Variants in EYA2 observed in about 807,000 individuals in gnomAD.
EYA2 encodes EYA transcriptional coactivator and phosphatase 2, also known as protein phosphatase EYA2.
A neutral mutation model predicts 69.2 loss-of-function variants in EYA2; 31 were observed. The ratio of observed to expected loss-of-function variants is 0.45; its 90% CI spans 0.34 to 0.60. The LOEUF is 0.60. EYA2 is among the 20% of genes least tolerant of loss of function. The pLI is 0.02. For synonymous variants in EYA2, 257 were observed against 279.4 expected, an observed-to-expected ratio of 0.92 and a Z score of 0.80; for missense variants, 622 against 701.2, an observed-to-expected ratio of 0.89 and a Z score of 1.28.
intron 1 of EYA2, among the ~76,000 whole-genome samples, chr20:46,920,266 A>C (rs1377647350): frequency 6.6e-6 from 1 of 151,850 alleles, no homozygotes; most frequent in East Asian, 1.9e-4. Flanking sequence ...AAAGTACAAT[A>C]AAGCAAAGCA....
chr20:47,047,714 A>G (rs1334786956), intron 5 of EYA2, among the ~76,000 whole-genome samples: 2 of 151,918 alleles, frequency 1.3e-5, no homozygotes, highest in Admixed American at 1.3e-4. Flanking sequence ...AGGGACAAGG[A>G]TATTGTCTTG....
At chr20:46,980,591 T>C (rs1980770842) in intron 1 of EYA2, among the ~76,000 whole-genome samples, 2 of 152,244 alleles carry the variant, frequency 1.3e-5, no homozygotes, top group Non-Finnish European at 2.9e-5. Flanking sequence ...CCCTTAGATA[T>C]GTATCTTTTC....
chr20:47,058,265 G>A (rs1395296630), intron 5 of EYA2, among the ~76,000 whole-genome samples: 4 of 152,226 alleles, frequency 2.6e-5, no homozygotes, highest in Non-Finnish European at 5.9e-5. Context: ...AGTCCCATAG[G>A]CTGGCAAAAA....
At chr20:46,988,466 T>C (rs1981439981) in intron 1 of EYA2, among the ~76,000 whole-genome samples, 1 of 152,124 alleles carries the variant, frequency 6.6e-6, no homozygotes, top group East Asian at 1.9e-4. Context: ...GGATCTGAGT[T>C]TATAAGCACC....
intron 8 of EYA2, among the ~76,000 whole-genome samples, chr20:47,093,106 C>T (rs2032134277): frequency 6.6e-6 from 1 of 152,182 alleles, no homozygotes; most frequent in South Asian, 2.1e-4. Context: ...TTCCCATTTG[C>T]CACAGTGAAG....
intron 9 of EYA2, among the ~76,000 whole-genome samples, chr20:47,117,107 G>A (rs1043173203): frequency 2.0e-5 from 3 of 150,630 alleles, no homozygotes; most frequent in African/African-American, 7.4e-5. Flanking sequence ...CTGCCCCCTG[G>A]GTTCAAGCCA....
At position 46,920,349 on chromosome 20, in the gene EYA2, G is replaced by A. The variant is rs139472611; in HGVS notation, c.-11+25362G>A. Among the ~76,000 whole-genome samples the A allele has an allele frequency of 3.5e-3, 534 of 152,060 alleles. 8 individuals are homozygous for A. Among genetic ancestry groups the A allele is most frequent in the African/African-American group, 0.012 (497 of 41,492 alleles). ...CAAGCCCACGATATCTCCAAGGTGTGCCCGTATACTGTTCCAATTTAAAAA... is the reference window on the plus strand; with the variant it reads ...CAAGCCCACGATATCTCCAAGGTGTACCCGTATACTGTTCCAATTTAAAAA... On this transcript the variant is annotated intron_variant, in intron 1 of 15. Transcript: ENST00000327619.
rs144935900 is a variant in EYA2 at position 47,097,068 on chromosome 20, C to A, written c.805-17C>A. On this transcript the variant is annotated splice_polypyrimidine_tract_variant and intron_variant, in intron 8 of 15. Coordinates refer to ENST00000327619, the MANE Select transcript of EYA2 (RefSeq NM_005244.5). Reference sequence around the variant, plus strand: ...TGAGTCCATTTTTCTCCATTCTCTTCCTCTCTTTCATCACAGCGTGTGTTC... The same window carrying A: ...TGAGTCCATTTTTCTCCATTCTCTTACTCTCTTTCATCACAGCGTGTGTTC... 1.3e-6 allele frequency: 2 copies of A among 1,599,358 alleles called. No homozygotes were observed. Among genetic ancestry groups the A allele is most frequent in the Admixed American group, 3.4e-5 (2 of 58,722 alleles).
chr20:47,080,957 T>C (rs1389047216), intron 7 of EYA2, among the ~76,000 whole-genome samples: 1 of 152,150 alleles, frequency 6.6e-6, no homozygotes, highest in African/African-American at 2.4e-5. Context: ...AACCTCGAAC[T>C]CCTGGGCTCA....
intron 2 of EYA2, among the ~76,000 whole-genome samples, chr20:46,999,671 C>CA (rs750481593): frequency 2.6e-5 from 4 of 152,128 alleles, no homozygotes; most frequent in Non-Finnish European, 4.4e-5. Context: ...TCAAGACCAC[C>CA]ACCCCCGCCC....
At chr20:47,011,131 T>C (rs1424005425) in intron 4 of EYA2, among the ~76,000 whole-genome samples, 1 of 152,152 alleles carries the variant, frequency 6.6e-6, no homozygotes, top group Non-Finnish European at 1.5e-5. Context: ...ATATGGATGG[T>C]GCTGGGGTAT....
At chr20:47,103,279 GC>G (rs2032477080) in intron 9 of EYA2, among the ~76,000 whole-genome samples, 1 of 151,118 alleles carries the variant, frequency 6.6e-6, no homozygotes. Context: ...TCTCCCCCTG[GC>G]CCCTGACAAC....
chr20:47,187,123 C>T (rs2034658640), intron 15 of EYA2, among the ~76,000 whole-genome samples: 1 of 152,014 alleles, frequency 6.6e-6, no homozygotes, highest in African/African-American at 2.4e-5. Flanking sequence ...AATCCCAACA[C>T]TTTGGGAGGC....
chr20:47,048,033 A>C (rs577561114), intron 5 of EYA2, among the ~76,000 whole-genome samples: 17 of 152,324 alleles, frequency 1.1e-4, no homozygotes, highest in African/African-American at 4.1e-4. Flanking sequence ...ATCCAGGATC[A>C]TCTGCCCATC....
intron 5 of EYA2, among the ~76,000 whole-genome samples, chr20:47,024,094 C>G (rs1001574105): frequency 2.0e-5 from 3 of 152,142 alleles, no homozygotes; most frequent in Non-Finnish European, 2.9e-5. Flanking sequence ...GATTTTTCTC[C>G]ATGTCGAAAA....
In EYA2 at chr20:47,006,499, A is replaced by C. The variant is rs553127210; in HGVS notation, c.298+1415A>C. On this transcript the variant is annotated intron_variant, in intron 4 of 15. Transcript: ENST00000327619. ...AGGCCTCAGTTTCCTCAATTGTAAA[A>C]TTAATATGCTCGTTTCATCTTCCCA... is the stretch of plus-strand genomic sequence containing the variant. Among the ~76,000 whole-genome samples, 5 of 152,300 alleles carry C rather than the reference A, an allele frequency of 3.3e-5. No homozygotes were observed. The South Asian group carries it at 1.0e-3, about 32-fold the overall frequency.
chr20:47,177,570 G>A lies in EYA2; in HGVS notation c.1199-2228G>A, dbSNP rs1313026537. ...AAAAGAGTTTGACACTTTTCAGAAA[G>A]ATAAAGAAGGCCAGCATAGCTGAAT... On this transcript the variant is annotated intron_variant, in intron 12 of 15. Coordinates refer to ENST00000327619, the MANE Select transcript of EYA2 (RefSeq NM_005244.5). 3.9e-5 allele frequency among the ~76,000 whole-genome samples: 6 copies of A among 152,370 alleles called. No homozygotes were observed. The South Asian group carries it at 8.3e-4, about 21-fold the overall frequency.
chr20:46,930,945 G>A (rs1056132470), intron 1 of EYA2, among the ~76,000 whole-genome samples: 3 of 152,164 alleles, frequency 2.0e-5, no homozygotes, highest in Admixed American at 2.0e-4. Context: ...CAGCCCTGCT[G>A]ATATTTGGGA....
At chr20:46,908,965 G>C (rs1454281829) in intron 1 of EYA2, among the ~76,000 whole-genome samples, 1 of 132,512 alleles carries the variant, frequency 7.5e-6, no homozygotes, top group African/African-American at 2.9e-5. Context: ...CCAGGAAAAA[G>C]TAGGACTTGA....
Sources: gnomAD v4.1 joint callset for allele counts (sites outside exome capture counted in the v4.1 genomes callset) on GRCh38, gnomAD v4.1.1 for gene constraint, MANE v1.5 for transcripts, NCBI Gene and HGNC (gene_info 2026-07-23, HGNC 2026-07-21) for gene names.